Variants in COMMD1 observed in about 807,000 individuals in gnomAD.
COMMD1 encodes the protein COMM domain-containing protein 1.
Under a neutral mutation model 17.2 loss-of-function variants are expected in COMMD1, and 10 were observed. The ratio of observed to expected loss-of-function variants is 0.58; its 90% confidence interval spans 0.36 to 0.99. The LOEUF is 0.99. Ranked by LOEUF, COMMD1 falls within the 50% of genes least tolerant of loss-of-function variation. The probability of loss-of-function intolerance (pLI) is 0.01; values close to 1 mark genes in which losing one functional copy is unlikely to be tolerated. For synonymous variants in COMMD1, 97 were observed against 91.6 expected, an observed-to-expected ratio of 1.06 and a Z score of -0.34; for missense variants, 270 against 231.8, an observed-to-expected ratio of 1.17 and a Z score of -1.07.
chr2:62,002,491 G>GAAAAAAAAAAAAAAAA (rs11310507), intron 2 of COMMD1, among the ~76,000 whole-genome samples: 1 of 35,072 alleles, frequency 2.9e-5, no homozygotes, highest in Non-Finnish European at 5.1e-5. Flanking sequence ...GATTCCACCA[G>GAAAAAAAAAAAAAAAA]AAAAAAAAAA....
At chr2:61,954,919 C>T (rs973820057) in intron 1 of COMMD1, among the ~76,000 whole-genome samples, 1 of 152,200 alleles carries the variant, frequency 6.6e-6, no homozygotes, top group Non-Finnish European at 1.5e-5. Flanking sequence ...AAGCGATCCA[C>T]CCGCCTCGGC....
intron 2 of COMMD1, among the ~76,000 whole-genome samples, chr2:62,095,987 C>T (rs978009434): frequency 4.7e-4 from 70 of 150,156 alleles, no homozygotes; most frequent in African/African-American, 1.5e-3. Context: ...CACACATGCT[C>T]GTGTATGTAT....
At chr2:61,968,945 CT>C (rs57247770) in intron 1 of COMMD1, 21,848 of 213,518 alleles carry the variant, frequency 0.1, 27 homozygotes, top group South Asian at 0.2. Context: ...TTTATTTAGT[CT>C]TTTTTTTTTT....
At chr2:61,936,064 G>A (rs552761795) in intron 1 of COMMD1, among the ~76,000 whole-genome samples, 6 of 152,230 alleles carry the variant, frequency 3.9e-5, no homozygotes, top group African/African-American at 1.4e-4. Flanking sequence ...GGGATTCGCC[G>A]GCCTTGGCCT....
upstream of COMMD1, among the ~76,000 whole-genome samples, chr2:61,902,897 G>T (rs533764759): frequency 3.2e-4 from 49 of 152,182 alleles, no homozygotes; most frequent in African/African-American, 1.0e-3. Context: ...TGTTACTAAG[G>T]TTTCATAGAA....
intron 2 of COMMD1, among the ~76,000 whole-genome samples, chr2:62,056,087 CAG>C (rs764384876): frequency 5.3e-5 from 8 of 152,204 alleles, no homozygotes; most frequent in Non-Finnish European, 8.8e-5. Flanking sequence ...TATGCACAGA[CAG>C]AGTGGCTGCC....
intron 2 of COMMD1, among the ~76,000 whole-genome samples, chr2:62,125,633 TTA>T (rs1672865752): frequency 6.6e-6 from 1 of 152,180 alleles, no homozygotes; most frequent in African/African-American, 2.4e-5. Context: ...AGAAAAAATA[TTA>T]TGTCACAAAT....
At chr2:62,030,068 A>G (rs1372004730) in intron 2 of COMMD1, among the ~76,000 whole-genome samples, 3 of 152,208 alleles carry the variant, frequency 2.0e-5, no homozygotes, top group Non-Finnish European at 4.4e-5. Flanking sequence ...ATGCTAATAG[A>G]CTTAATGGGG....
At chr2:61,892,893 A>G (rs1669467303) in intron 1 of COMMD1, among the ~76,000 whole-genome samples, 1 of 151,314 alleles carries the variant, frequency 6.6e-6, no homozygotes, top group African/African-American at 2.4e-5. Flanking sequence ...CCTGAAACGG[A>G]GTCTCGCTCT....
In COMMD1 at chr2:61,984,315, C is replaced by T. The variant is rs944569017; in HGVS notation, c.181-16386C>T. ...TGTTGGGATTACAGGCATGAGCCAC[C>T]GCGCTCAACCTGTTGTTTTTCCATT... On this transcript the variant is annotated intron_variant, in intron 1 of 2. Coordinates refer to ENST00000311832, the MANE Select transcript of COMMD1 (RefSeq NM_152516.4). 4.6e-5 allele frequency among the ~76,000 whole-genome samples: 7 copies of T among 152,276 alleles called. No individual in the cohort carries two copies. The South Asian group carries it at 6.2e-4, about 14-fold the overall frequency.
chr2:62,108,227 C>T (rs1672369527), intron 2 of COMMD1, among the ~76,000 whole-genome samples: 1 of 152,144 alleles, frequency 6.6e-6, no homozygotes. Flanking sequence ...CATAACTCAT[C>T]CTTTCACAGG....
At chr2:62,064,773 CT>C (rs1670980193) in intron 2 of COMMD1, among the ~76,000 whole-genome samples, 1 of 151,980 alleles carries the variant, frequency 6.6e-6, no homozygotes, top group South Asian at 2.1e-4. Context: ...ATTTATTTAT[CT>C]AACCTTTCTA....
Position 61,931,092 on chromosome 2 carries a change from A to G in COMMD1, c.180+25234A>G, listed in dbSNP as rs192742625. On this transcript the variant is annotated intron_variant, in intron 1 of 2. Transcript: ENST00000311832. ...TTTGGGAGGCTGATGCAGGAGGATCACTTGTGGTTAGGAGTTCGAGACCAG... is the reference window on the plus strand; with the variant it reads ...TTTGGGAGGCTGATGCAGGAGGATCGCTTGTGGTTAGGAGTTCGAGACCAG... Among the ~76,000 whole-genome samples the G allele has an allele frequency of 5.0e-3, 767 of 152,134 alleles. 8 individuals carry two copies. Among genetic ancestry groups the G allele is most frequent in the African/African-American group, 0.017 (686 of 41,520 alleles).
intron 1 of COMMD1, among the ~76,000 whole-genome samples, chr2:61,963,138 T>G (rs1671404775): frequency 6.8e-6 from 1 of 147,038 alleles, no homozygotes; most frequent in Admixed American, 6.9e-5. Flanking sequence ...CTAGCCTGGG[T>G]GACAGAGTGA....
Position 62,135,893 on chromosome 2 carries a change from G to T in COMMD1, c.525G>T (p.Leu175=). Residue 175 remains leucine (L), a synonymous_variant, in exon 3 of 3, where the codon CTG becomes CTT. Coordinates refer to ENST00000311832, the MANE Select transcript of COMMD1 (RefSeq NM_152516.4). ...EVKVNQILKT[L]SEVEESISTL... ...AAGTCAACCAAATTCTGAAGACGCTGTCAGAGGTAGAAGAAAGTATCAGCA... is the reference window on the plus strand; with the variant it reads ...AAGTCAACCAAATTCTGAAGACGCTTTCAGAGGTAGAAGAAAGTATCAGCA... 5 of 1,605,522 alleles carry T rather than the reference G, an allele frequency of 3.1e-6. No individual in the cohort carries two copies. The highest frequency in any genetic ancestry group is 4.3e-6 in the Non-Finnish European group (5 of 1,172,176).
chr2:62,084,405 A>G (rs895919502), intron 2 of COMMD1, among the ~76,000 whole-genome samples: 1 of 152,210 alleles, frequency 6.6e-6, no homozygotes, highest in Non-Finnish European at 1.5e-5. Context: ...TAAGAAGATC[A>G]TAAGGAAGAT....
chr2:62,124,586 G>A (rs559868577), intron 2 of COMMD1, among the ~76,000 whole-genome samples: 1 of 152,012 alleles, frequency 6.6e-6, no homozygotes, highest in Admixed American at 6.6e-5. Context: ...GTCTCACTCT[G>A]TCGCCCAGCC....
chr2:62,078,740 G>C (rs1053139393), intron 2 of COMMD1, among the ~76,000 whole-genome samples: 1 of 151,202 alleles, frequency 6.6e-6, no homozygotes, highest in Non-Finnish European at 1.5e-5. Flanking sequence ...AGCCGGGCAT[G>C]GTGGCACATG....
chr2:62,063,372 A>G (rs1267524368), intron 2 of COMMD1, among the ~76,000 whole-genome samples: 3 of 152,084 alleles, frequency 2.0e-5, no homozygotes, highest in Admixed American at 6.5e-5. Context: ...TTGTATTTTT[A>G]GTAGAGACAG....
Sources: gnomAD v4.1 joint callset for allele counts (sites outside exome capture counted in the v4.1 genomes callset) on GRCh38, gnomAD v4.1.1 for gene constraint, MANE v1.5 for transcripts, NCBI Gene and HGNC (gene_info 2026-07-23, HGNC 2026-07-21) for gene names.